The following GRIK2 variants were observed in gnomAD, a reference collection of about 807,000 sequenced individuals.
GRIK2 encodes glutamate receptor ionotropic, kainate 2.
Under a neutral mutation model 100.3 loss-of-function variants are expected in GRIK2, and 32 were observed. The observed-to-expected ratio is 0.32, with a 90% confidence interval of 0.24 to 0.43. The LOEUF (loss-of-function observed/expected upper bound fraction) is 0.43. GRIK2 is among the 20% of genes least tolerant of loss of function. The pLI is 1.00. For synonymous variants in GRIK2, 417 were observed against 389.4 expected (o/e 1.07, Z -0.83); for missense variants, 843 against 1,114.9 (o/e 0.76, Z 3.47).
chr6:101,928,382 T>C (rs1790048067), intron 13 of GRIK2, 33 bp from the exon 14 acceptor site: 4 of 1,061,192 alleles, frequency 3.8e-6, no homozygotes, highest in Non-Finnish European at 5.9e-6. Context: ...AAATTCTCTA[T>C]ATTCGTTTCA....
At chr6:102,049,605 G>A (rs1771069485) in intron 15 of GRIK2, among the ~76,000 whole-genome samples, 1 of 152,096 alleles carries the variant, frequency 6.6e-6, no homozygotes, top group Non-Finnish European at 1.5e-5. Flanking sequence ...TATTTGATAT[G>A]TAGTATTAAT....
At chr6:101,792,262 G>A (rs1176422721) in intron 7 of GRIK2, among the ~76,000 whole-genome samples, 3 of 151,388 alleles carry the variant, frequency 2.0e-5, no homozygotes, top group African/African-American at 7.3e-5. Context: ...GATGATAGCT[G>A]GTTATTTTGC....
At chr6:102,042,751 A>G (rs1770658544) in intron 15 of GRIK2, among the ~76,000 whole-genome samples, 1 of 151,738 alleles carries the variant, frequency 6.6e-6, no homozygotes, top group Non-Finnish European at 1.5e-5. Flanking sequence ...TATTCTAATG[A>G]TTGCTGATGG....
chr6:101,412,181 TA>T (rs1318312501), intron 2 of GRIK2, among the ~76,000 whole-genome samples: 3 of 152,078 alleles, frequency 2.0e-5, no homozygotes, highest in African/African-American at 7.2e-5. Context: ...TGCTGAGACA[TA>T]AAATGTGGAC....
At chr6:101,522,905 A>G (rs115111360) in intron 2 of GRIK2, among the ~76,000 whole-genome samples, 1,725 of 150,184 alleles carry the variant, frequency 0.011, 31 homozygotes, top group African/African-American at 0.039. Context: ...TATTTATTAT[A>G]TATTAAATAT....
intron 13 of GRIK2, among the ~76,000 whole-genome samples, chr6:101,925,522 CAAAAT>C (rs1032084944): frequency 1.1e-4 from 17 of 148,208 alleles, no homozygotes; most frequent in African/African-American, 3.9e-4. Context: ...ACCTATTACT[CAAAAT>C]AAAATATTTT....
intron 11 of GRIK2, 66 bp downstream of exon 11, chr6:101,859,559 G>A: frequency 1.1e-6 from 1 of 885,028 alleles, no homozygotes; most frequent in Non-Finnish European, 1.9e-6. Context: ...TTTTGTTGAT[G>A]TATATGAAAT....
At chr6:102,034,543 CG>C (rs1770163329) in intron 14 of GRIK2, among the ~76,000 whole-genome samples, 1 of 151,300 alleles carries the variant, frequency 6.6e-6, no homozygotes, top group Non-Finnish European at 1.5e-5. Flanking sequence ...CAGATGCTAA[CG>C]TTTTTCCTGT....
chr6:101,813,167 A>G (rs1256681926), intron 9 of GRIK2, among the ~76,000 whole-genome samples: 2 of 152,094 alleles, frequency 1.3e-5, no homozygotes, highest in African/African-American at 4.8e-5. Flanking sequence ...ACACATATAC[A>G]CACACATATG....
chr6:101,682,672 G>A (rs889636890), intron 6 of GRIK2, 66 bp downstream of exon 6: 7 of 733,562 alleles, frequency 9.5e-6, no homozygotes, highest in African/African-American at 1.8e-5. Context: ...ATGAAAAATA[G>A]GTTTTTTAGT....
Position 101,490,146 on chromosome 6 carries a change from C to T in GRIK2, c.115+90754C>T, listed in dbSNP as rs191584649. On this transcript the variant is annotated intron_variant, in intron 2 of 16. Transcript: ENST00000369134. ...TACAGAAGAATGAAACATAGACATA[C>T]AGAGATATGTAATAAAAATAAGCAC... Among the ~76,000 whole-genome samples the T allele has an allele frequency of 2.1e-5, 3 of 141,476 alleles. No homozygotes were observed. The East Asian group carries it at 6.0e-4, about 28-fold the overall frequency. 92.8% of individuals were successfully genotyped at this position (141,476 alleles called of 152,430 possible).
At chr6:101,456,738 C>T (rs571438865) in intron 2 of GRIK2, among the ~76,000 whole-genome samples, 12 of 150,328 alleles carry the variant, frequency 8.0e-5, no homozygotes, top group Non-Finnish European at 1.5e-4. Context: ...TTCTTTAGTT[C>T]CTATTTTATA....
intron 2 of GRIK2, among the ~76,000 whole-genome samples, chr6:101,616,588 T>C (rs1311734190): frequency 1.3e-5 from 2 of 151,830 alleles, no homozygotes; most frequent in African/African-American, 4.8e-5. Context: ...TTTTGAATCA[T>C]TGTGTTCTTA....
At chr6:101,922,090 T>TCCTTCCTTCCTA (rs1789563732) in intron 12 of GRIK2, among the ~76,000 whole-genome samples, 1 of 18,796 alleles carries the variant, frequency 5.3e-5, no homozygotes, top group East Asian at 9.6e-4. Flanking sequence ...CTTCCTTCCT[T>TCCTTCCTTCCTA]CCTTCCTTCC....
At chr6:101,834,392 T>C (rs1782923033) in intron 10 of GRIK2, among the ~76,000 whole-genome samples, 1 of 152,074 alleles carries the variant, frequency 6.6e-6, no homozygotes, top group African/African-American at 2.4e-5. Context: ...TTTGGGTTTT[T>C]TTGGAGCGTC....
chr6:102,007,792 G>A (rs968359676), intron 14 of GRIK2, among the ~76,000 whole-genome samples: 33 of 152,024 alleles, frequency 2.2e-4, no homozygotes, highest in African/African-American at 7.5e-4. Context: ...TAGTTTAAGA[G>A]GCTGGGATTA....
chr6:101,941,034 T>C (rs1211216543), intron 14 of GRIK2, among the ~76,000 whole-genome samples: 2 of 152,148 alleles, frequency 1.3e-5, no homozygotes, highest in African/African-American at 4.8e-5. Context: ...ATGTACTCAG[T>C]GGCAATGATT....
rs942091336 is a variant in GRIK2 at position 101,612,728 on chromosome 6, G to A, written c.116-9221G>A. On this transcript the variant is annotated intron_variant, in intron 2 of 16. Transcript: ENST00000369134. Reference sequence around the variant, plus strand: ...GATGTATGTGTTAATGTGTGTGTGTGTGTGTGTGTGTGTGTGTGTGTGTGT... The same window carrying A: ...GATGTATGTGTTAATGTGTGTGTGTATGTGTGTGTGTGTGTGTGTGTGTGT... Among the ~76,000 whole-genome samples, 3 of 150,612 alleles carry A rather than the reference G, an allele frequency of 2.0e-5. No homozygotes were observed. The East Asian group carries it at 5.9e-4, about 30-fold the overall frequency.
intron 7 of GRIK2, among the ~76,000 whole-genome samples, chr6:101,695,714 C>A (rs767370483): frequency 2.0e-5 from 3 of 152,004 alleles, no homozygotes; most frequent in Non-Finnish European, 4.4e-5. Flanking sequence ...TTGAAAATAT[C>A]ATAAGTCAGA....
Sources: allele counts gnomAD v4.1 joint callset (sites outside exome capture counted in the v4.1 genomes callset), GRCh38; gene constraint gnomAD v4.1.1; transcripts MANE v1.5; gene names NCBI Gene and HGNC (gene_info 2026-07-23, HGNC 2026-07-21).